Variants in RCOR1 observed in about 807,000 individuals in gnomAD.
RCOR1 encodes REST corepressor.
A neutral mutation model predicts 64.0 loss-of-function variants in RCOR1; 12 were observed. The ratio of observed to expected loss-of-function variants is 0.19; its 90% CI spans 0.12 to 0.30. The LOEUF (loss-of-function observed/expected upper bound fraction) is 0.30. RCOR1 is among the 10% of genes least tolerant of loss of function. The pLI, the probability that RCOR1 is intolerant of heterozygous loss-of-function variation, is 1.00. For synonymous variants in RCOR1, 279 were observed against 227.2 expected (o/e 1.23, Z -2.05); for missense variants, 502 against 621.2 (o/e 0.81, Z 2.04).
chr14:102,675,111 T>G (rs1269370975), intron 2 of RCOR1, among the ~76,000 whole-genome samples: 1 of 151,556 alleles, frequency 6.6e-6, no homozygotes, highest in African/African-American at 2.4e-5. Context: ...GTTGGCACCT[T>G]CAGCAAATAT....
intron 11 of RCOR1, 44 bp from the exon 12 acceptor site, chr14:102,726,424 C>T (rs749815090): frequency 4.9e-6 from 7 of 1,433,520 alleles, no homozygotes; most frequent in Non-Finnish European, 5.7e-6. Context: ...TGTTGTTTAC[C>T]TACTCTTTGA....
rs570456546 is a variant in RCOR1, at chr14:102,613,589, C to T, written c.361+20264C>T. On this transcript the variant is annotated intron_variant, in intron 2 of 11. Coordinates refer to ENST00000262241, the MANE Select transcript of RCOR1 (RefSeq NM_015156.4). The stretch of plus-strand genomic sequence containing the variant: ...CTGGGACTACAGGCGCCCGCCACTG[C>T]GCCCGGCTAATTTTTTGTATTTTTA... Among the ~76,000 whole-genome samples the T allele has an allele frequency of 8.4e-3, 1,282 of 151,900 alleles. 4 individuals carry two copies. Among genetic ancestry groups the T allele is most frequent in the Middle Eastern group, 0.021 (6 of 292 alleles).
intron 2 of RCOR1, chr14:102,659,291 CTCA>C (rs1181478059): frequency 3.1e-6 from 3 of 983,108 alleles, no homozygotes; most frequent in South Asian, 9.4e-5. Context: ...AAACAAATGT[CTCA>C]TCTGATCAGC....
At chr14:102,625,051 T>C (rs1309170092) in intron 2 of RCOR1, among the ~76,000 whole-genome samples, 7 of 151,738 alleles carry the variant, frequency 4.6e-5, no homozygotes, top group African/African-American at 1.7e-4. Context: ...AGAAAAATTA[T>C]TTTTGTAGAG....
intron 2 of RCOR1, 71 bp downstream of exon 2, chr14:102,593,396 G>T: frequency 7.1e-7 from 1 of 1,412,288 alleles, no homozygotes; most frequent in South Asian, 1.4e-5. Context: ...AGCCCGAGGG[G>T]GCGGGAGCCC....
At chr14:102,679,328 T>C (rs1008051014) in intron 2 of RCOR1, among the ~76,000 whole-genome samples, 2 of 152,210 alleles carry the variant, frequency 1.3e-5, no homozygotes, top group African/African-American at 4.8e-5. Flanking sequence ...GTTTGTTTTG[T>C]TTTTGCATGT....
chr14:102,674,337 G>A (rs1245910528), intron 2 of RCOR1, among the ~76,000 whole-genome samples: 2 of 152,212 alleles, frequency 1.3e-5, no homozygotes, highest in African/African-American at 4.8e-5. Context: ...GTCTAGCCAA[G>A]TTGACACAGA....
chr14:102,612,183 C>T (rs762139481), intron 2 of RCOR1, among the ~76,000 whole-genome samples: 6 of 151,962 alleles, frequency 3.9e-5, no homozygotes, highest in Admixed American at 6.6e-5. Context: ...TGGTTCATGT[C>T]ACTCTACCTT....
intron 2 of RCOR1, among the ~76,000 whole-genome samples, chr14:102,646,993 C>A (rs1894488656): frequency 6.6e-6 from 1 of 152,220 alleles, no homozygotes; most frequent in Non-Finnish European, 1.5e-5. Context: ...GGAGCTCCAA[C>A]ATCTGCACTG....
At chr14:102,644,170 T>C (rs906686428) in intron 2 of RCOR1, among the ~76,000 whole-genome samples, 1 of 152,208 alleles carries the variant, frequency 6.6e-6, no homozygotes, top group Non-Finnish European at 1.5e-5. Context: ...TGTCTCAGCA[T>C]GGGCTGATTT....
intron 2 of RCOR1, among the ~76,000 whole-genome samples, chr14:102,652,500 A>G (rs1452397421): frequency 2.0e-5 from 3 of 151,930 alleles, no homozygotes; most frequent in Non-Finnish European, 4.4e-5. Context: ...TCTTTAGGTG[A>G]TTATATTATT....
intron 2 of RCOR1, among the ~76,000 whole-genome samples, chr14:102,652,096 T>G (rs1894605755): frequency 6.6e-6 from 1 of 152,236 alleles, no homozygotes. Context: ...TTCTTAAAAG[T>G]GTCCTTATGA....
chr14:102,665,164 CCTGA>C (rs1403467897), intron 2 of RCOR1, among the ~76,000 whole-genome samples: 6 of 152,064 alleles, frequency 3.9e-5, no homozygotes, highest in Non-Finnish European at 7.4e-5. Flanking sequence ...CACCACCATG[CCTGA>C]CTAATTCTGT....
At chr14:102,612,261 G>T (rs1352530438) in intron 2 of RCOR1, among the ~76,000 whole-genome samples, 1 of 151,968 alleles carries the variant, frequency 6.6e-6, no homozygotes, top group African/African-American at 2.4e-5. Flanking sequence ...GCCTCAAGCG[G>T]TCCCCTCTTC....
intron 2 of RCOR1, among the ~76,000 whole-genome samples, chr14:102,677,391 C>T (rs1330568410): frequency 3.5e-5 from 5 of 144,366 alleles, no homozygotes; most frequent in African/African-American, 5.4e-5. Flanking sequence ...GGAGACGCTC[C>T]TCACTTCCCA....
chr14:102,714,245 C>T (rs1026557977), intron 7 of RCOR1, among the ~76,000 whole-genome samples, 178 bp from the exon 8 acceptor site: 1 of 152,150 alleles, frequency 6.6e-6, no homozygotes, highest in African/African-American at 2.4e-5. Flanking sequence ...AGTCAAAACT[C>T]AGTAGCCCAA....
At chr14:102,657,767 G>T in intron 2 of RCOR1, 1 of 572,244 alleles carries the variant, frequency 1.7e-6, no homozygotes, top group Non-Finnish European at 2.2e-6. Context: ...GAACCCCAGA[G>T]GCGGAGGTTG....
chr14:102,702,627 GAGGCAGGGAA>G (rs1410486881), intron 4 of RCOR1, among the ~76,000 whole-genome samples: 1 of 152,154 alleles, frequency 6.6e-6, no homozygotes, highest in Non-Finnish European at 1.5e-5. Flanking sequence ...TCTGTGACCA[GAGGCAGGGAA>G]AGGCAGTGCC....
intron 2 of RCOR1, among the ~76,000 whole-genome samples, chr14:102,663,631 C>T (rs534063501): frequency 6.6e-6 from 1 of 152,048 alleles, no homozygotes; most frequent in African/African-American, 2.4e-5. Context: ...TTTTTTTTCT[C>T]TTGGATTGCT....
Sources: allele counts gnomAD v4.1 joint callset (sites outside exome capture counted in the v4.1 genomes callset), GRCh38; gene constraint gnomAD v4.1.1; transcripts MANE v1.5; gene names NCBI Gene and HGNC (gene_info 2026-07-23, HGNC 2026-07-21).